The following TMEM260 variants were observed in gnomAD, a reference collection of about 807,000 sequenced individuals.
TMEM260 encodes the protein transmembrane protein 260.
TMEM260 carries 82 observed loss-of-function variants against 88.9 expected under a neutral mutation model. That is an observed-to-expected ratio of 0.92 (90% CI 0.77 to 1.11). The LOEUF is 1.11. Ranked by LOEUF, TMEM260 falls within the 50% of genes least tolerant of loss-of-function variation. The probability of loss-of-function intolerance (pLI) is 0.00; values close to 1 mark genes in which losing one functional copy is unlikely to be tolerated. For missense variants in TMEM260, 902 were observed against 853.4 expected (o/e 1.06, Z -0.71); for synonymous variants, 314 against 309.3 (o/e 1.02, Z -0.16).
At chr14:56,635,412 T>C (rs1284147381) in intron 14 of TMEM260, among the ~76,000 whole-genome samples, 3 of 152,178 alleles carry the variant, frequency 2.0e-5, no homozygotes, top group Non-Finnish European at 4.4e-5. Context: ...GCTACACATA[T>C]GAATATGACA....
intron 15 of TMEM260, among the ~76,000 whole-genome samples, chr14:56,639,807 G>A (rs1326537085): frequency 2.0e-5 from 3 of 152,188 alleles, no homozygotes; most frequent in African/African-American, 7.2e-5. Context: ...TTTCCAATGG[G>A]CTTAACAAAC....
chr14:56,622,098 C>T (rs1282108994), intron 11 of TMEM260, among the ~76,000 whole-genome samples: 4 of 152,080 alleles, frequency 2.6e-5, no homozygotes, highest in Non-Finnish European at 5.9e-5. Context: ...AATCCCAGCA[C>T]TTTGGGAGGC....
At chr14:56,595,764 G>A (rs1886168516) in intron 3 of TMEM260, among the ~76,000 whole-genome samples, 1 of 152,100 alleles carries the variant, frequency 6.6e-6, no homozygotes. Context: ...TGGGATTACA[G>A]GGATGAGCCA....
At chr14:56,587,238 C>G (rs1309377658) in intron 3 of TMEM260, among the ~76,000 whole-genome samples, 1 of 151,784 alleles carries the variant, frequency 6.6e-6, no homozygotes, top group Non-Finnish European at 1.5e-5. Context: ...CTAATATATT[C>G]ATTTTGATAG....
chr14:56,650,193 G>C (rs1890177345), downstream of TMEM260: 2 of 410,312 alleles, frequency 4.9e-6, no homozygotes, highest in South Asian at 3.5e-5. Context: ...CAGTGTCCCG[G>C]GAGTGCCATG....
chr14:56,654,235 A>G (rs1180241390), downstream of TMEM260, among the ~76,000 whole-genome samples: 2 of 152,182 alleles, frequency 1.3e-5, no homozygotes, highest in Non-Finnish European at 2.9e-5. Context: ...TACCCAAATT[A>G]AAAGGTTTTA....
At chr14:56,617,074 A>T (rs1055916211) in intron 8 of TMEM260, 109 bp from the exon 9 acceptor site, 1 of 561,070 alleles carries the variant, frequency 1.8e-6, no homozygotes, top group African/African-American at 2.0e-5. Flanking sequence ...CTTTGCTCCT[A>T]GTTAAAAATG....
chr14:56,621,306 A>G (rs1887901297), intron 10 of TMEM260, among the ~76,000 whole-genome samples: 1 of 151,728 alleles, frequency 6.6e-6, no homozygotes, highest in South Asian at 2.1e-4. Context: ...ATGATTATAA[A>G]CTCCAGAAGT....
At chr14:56,582,814 A>G (rs890540707) in intron 1 of TMEM260, among the ~76,000 whole-genome samples, 15 of 152,206 alleles carry the variant, frequency 9.9e-5, no homozygotes, top group African/African-American at 3.6e-4. Flanking sequence ...ATTTAAGAGT[A>G]GTATTTCCCT....
chr14:56,651,992 T>C (rs1039454222), downstream of TMEM260, among the ~76,000 whole-genome samples: 20 of 152,240 alleles, frequency 1.3e-4, no homozygotes, highest in African/African-American at 4.8e-4. Context: ...GTACTTGATA[T>C]TTCTCTCAGC....
At chr14:56,654,236 A>G (rs1377210117), downstream of TMEM260, among the ~76,000 whole-genome samples, 2 of 152,146 alleles carry the variant, frequency 1.3e-5, no homozygotes, top group Non-Finnish European at 2.9e-5. Flanking sequence ...ACCCAAATTA[A>G]AAGGTTTTAG....
intron 12 of TMEM260, among the ~76,000 whole-genome samples, chr14:56,630,913 T>A (rs1888548086): frequency 6.6e-6 from 1 of 152,154 alleles, no homozygotes; most frequent in Non-Finnish European, 1.5e-5. Context: ...CCGGTTCTGT[T>A]TCCAAAGCAT....
In TMEM260 at chr14:56,605,684, G is replaced by T. The variant is rs745924486; in HGVS notation, c.636+1G>T. 1.3e-6 allele frequency: 2 copies of T among 1,513,346 alleles called. No individual in the cohort carries two copies. The highest frequency in any genetic ancestry group is 1.2e-5 in the South Asian group (1 of 81,240). The allele number at this position is 1,513,346 out of a possible 1,614,324, so 93.7% of individuals were successfully genotyped here. A position where few individuals can be genotyped will look rare whatever the true frequency, so the allele number is the denominator to read the frequency against. On this transcript the variant is annotated splice_donor_variant, in intron 5 of 15. Transcript: ENST00000261556. LOFTEE classifies it high-confidence loss of function. ...TCTCTTTCAACTTTTAAAAAAGAAG[G>T]TACGTTTTTGAATTTTGTAAAAAAA...
At chr14:56,656,681 G>A in the TMEM260 span, among the ~76,000 whole-genome samples, 1 of 152,032 alleles carries the variant, frequency 6.6e-6, no homozygotes, top group Non-Finnish European at 1.5e-5. Context: ...TGTCTCTCTA[G>A]TATGTTTAAA....
chr14:56,628,790 A>T (rs1420137815), intron 12 of TMEM260, among the ~76,000 whole-genome samples: 1 of 152,122 alleles, frequency 6.6e-6, no homozygotes, highest in Middle Eastern at 3.4e-3. Flanking sequence ...TCAGATCTCT[A>T]TTTTTAATTG....
At chr14:56,582,356 G>A (rs949953979) in intron 1 of TMEM260, among the ~76,000 whole-genome samples, 5 of 152,282 alleles carry the variant, frequency 3.3e-5, no homozygotes, top group South Asian at 4.2e-4. Flanking sequence ...GTGCTTTTCG[G>A]GGAGGGGGTA....
rs1378890795 is a variant in TMEM260, at chr14:56,615,989, AGCCCTT to A, written c.906_911del (p.Leu303_Ala304del). The A allele has an allele frequency of 6.2e-7, 1 of 1,613,232 alleles. No individual in the cohort carries two copies. The highest frequency in any genetic ancestry group is 2.2e-5 in the East Asian group (1 of 44,808). On this transcript the variant is annotated inframe_deletion, in exon 8 of 16. Coordinates refer to ENST00000261556, the MANE Select transcript of TMEM260 (RefSeq NM_017799.4). ...GGACCGAACTCTCATTCAACATCCA[AGCCCTT>A]GCAGTTTGTGCAAATATATGTTTAG...
intron 2 of TMEM260, 38 bp from the exon 3 acceptor site, chr14:56,585,723 A>G (rs1484135768): frequency 1.3e-6 from 2 of 1,596,358 alleles, no homozygotes; most frequent in Admixed American, 3.5e-5. Flanking sequence ...TTCCTTTCCT[A>G]GATGAAAACC....
chr14:56,661,096 T>A, the TMEM260 span, among the ~76,000 whole-genome samples: 1 of 152,154 alleles, frequency 6.6e-6, no homozygotes, highest in East Asian at 1.9e-4. Flanking sequence ...GGCACCAGCC[T>A]CCCTCCCACT....
Sources: allele counts gnomAD v4.1 joint callset (sites outside exome capture counted in the v4.1 genomes callset), GRCh38; gene constraint gnomAD v4.1.1; transcripts MANE v1.5; gene names NCBI Gene and HGNC (gene_info 2026-07-23, HGNC 2026-07-21).